CPS1: variants seen among roughly 807,000 people sequenced by gnomAD.
CPS1 encodes carbamoyl-phosphate synthase [ammonia], mitochondrial.
A neutral mutation model predicts 174.6 loss-of-function variants in CPS1; 109 were observed. The observed-to-expected ratio is 0.62, with a 90% CI of 0.53 to 0.73. The LOEUF is 0.73. CPS1 is among the 30% of genes least tolerant of loss of function. CPS1 has a pLI of 0.00. For missense variants in CPS1, 1,689 were observed against 1,821.9 expected (o/e 0.93, Z 1.33); for synonymous variants, 637 against 632.0 (o/e 1.01, Z -0.12).
In CPS1 at chr2:210,639,180, G is replaced by A. The variant is rs756163174; in HGVS notation, c.2860G>A (p.Val954Ile). The A allele has an allele frequency of 6.2e-7, 1 of 1,613,102 alleles. No individual in the cohort carries two copies. The highest frequency in any genetic ancestry group is 1.3e-5 in the African/African-American group (1 of 74,892). ...IDTLAAEYPS[V>I]TNYLYVTYNG... The stretch of plus-strand genomic sequence containing the variant: ...TACACTGGCTGCAGAATACCCATCA[G>A]TAACAAACTATCTCTATGTTACCTA... The change falls in exon 23 of 38, where the codon GTA becomes ATA. Residue 954 changes from valine (V) to isoleucine (I), a missense_variant. Coordinates refer to ENST00000233072, the MANE Select transcript of CPS1 (RefSeq NM_001875.5).
At chr2:210,507,427 C>A (rs566199700) in intron 1 of CPS1, among the ~76,000 whole-genome samples, 1 of 152,264 alleles carries the variant, frequency 6.6e-6, no homozygotes, top group South Asian at 2.1e-4. Flanking sequence ...AAAAACATGC[C>A]AAATTGTAAA....
At chr2:210,620,092 AG>A (rs1699458967) in intron 21 of CPS1, among the ~76,000 whole-genome samples, 1 of 152,186 alleles carries the variant, frequency 6.6e-6, no homozygotes, top group Non-Finnish European at 1.5e-5. Flanking sequence ...ATATAAAAAA[AG>A]AAATATAAAA....
chr2:210,595,512 C>A lies in CPS1; in HGVS notation c.1289C>A (p.Ser430Ter). The A allele has an allele frequency of 6.2e-7, 1 of 1,610,932 alleles. No individual in the cohort carries two copies. Among genetic ancestry groups the A allele is most frequent in the Non-Finnish European group, 8.5e-7 (1 of 1,177,830 alleles). The change falls in exon 13 of 38, where the codon TCA (serine) becomes TAA (stop). Residue 430 changes from serine (S) to a stop codon, truncating the protein, a stop_gained. Coordinates refer to ENST00000233072, the MANE Select transcript of CPS1 (RefSeq NM_001875.5). LOFTEE classifies it high-confidence loss of function. Reference sequence around the variant, plus strand: ...GTTTCCAAAGTCCTTATTCTAGGATCAGGAGGTCTGTCCATTGGTCAGGCT... The same window carrying A: ...GTTTCCAAAGTCCTTATTCTAGGATAAGGAGGTCTGTCCATTGGTCAGGCT... The part of the protein sequence containing the change: ...VEVSKVLILG[S>*]GGLSIGQAGE...
chr2:210,583,441 A>G lies in CPS1; in HGVS notation c.621+732A>G, dbSNP rs555889423. Among the ~76,000 whole-genome samples the G allele has an allele frequency of 7.9e-5, 12 of 152,240 alleles. 1 individual carries two copies. The highest frequency in any genetic ancestry group is 3.3e-4 in the Admixed American group (5 of 15,278). On this transcript the variant is annotated intron_variant, in intron 6 of 37. Transcript: ENST00000233072. Reference sequence around the variant, plus strand: ...ATGCTGTCCTTGGAGTGTTCATAGCATGCTGCAAGGGCATGCATGGGGCAG... The same window carrying G: ...ATGCTGTCCTTGGAGTGTTCATAGCGTGCTGCAAGGGCATGCATGGGGCAG...
intron 1 of CPS1, among the ~76,000 whole-genome samples, chr2:210,565,736 G>A (rs17773661): frequency 1.3e-5 from 2 of 152,028 alleles, no homozygotes; most frequent in African/African-American, 2.4e-5. Flanking sequence ...TGCTAAACTT[G>A]TGCTTGGTTG....
chr2:210,596,075 G>C (rs1698472147), intron 13 of CPS1, among the ~76,000 whole-genome samples: 1 of 151,756 alleles, frequency 6.6e-6, no homozygotes, highest in African/African-American at 2.4e-5. Flanking sequence ...GTCACTGGGG[G>C]ACACAGTTCT....
intron 11 of CPS1, chr2:210,593,314 A>G: frequency 1.8e-6 from 2 of 1,122,726 alleles, no homozygotes; most frequent in South Asian, 2.2e-5. Context: ...TTAATCCCCC[A>G]TCTGTGACTT....
At chr2:210,499,812 G>T (rs1269001296) in intron 1 of CPS1, among the ~76,000 whole-genome samples, 1 of 152,130 alleles carries the variant, frequency 6.6e-6, no homozygotes, top group Non-Finnish European at 1.5e-5. Context: ...CACATTGTCA[G>T]CCAGATGCCA....
chr2:210,564,534 C>T (rs1157634816), intron 1 of CPS1, among the ~76,000 whole-genome samples: 2 of 152,172 alleles, frequency 1.3e-5, no homozygotes, highest in East Asian at 2.0e-4. Flanking sequence ...TGCCACCACG[C>T]CTGGCTAATT....
chr2:210,659,140 C>T (rs1292903510), intron 31 of CPS1, among the ~76,000 whole-genome samples: 1 of 152,132 alleles, frequency 6.6e-6, no homozygotes, highest in East Asian at 1.9e-4. Context: ...TCGGTAACTG[C>T]CTTAGTCTGT....
In CPS1 at chr2:210,590,231, A is replaced by G. The variant is rs1211571555; in HGVS notation, c.837A>G (p.Arg279=). ...ALAEPLIQNV[R]KILESDRKEP... is the part of the protein sequence containing the mutation. ...CAGAACCACTAATTCAGAATGTCAG[A>G]AAGGTGCAATGAACCTTGAATTCAT... The change falls in exon 8 of 38, where the codon AGA becomes AGG. Residue 279 remains arginine, a synonymous_variant. Transcript: ENST00000233072. 1.9e-5 allele frequency: 30 copies of G among 1,612,612 alleles called. No homozygotes were observed. Among genetic ancestry groups the G allele is most frequent in the Non-Finnish European group, 2.5e-5 (29 of 1,179,014 alleles).
chr2:210,637,483 A>G (rs541329075), intron 21 of CPS1, among the ~76,000 whole-genome samples: 2 of 152,284 alleles, frequency 1.3e-5, no homozygotes, highest in Admixed American at 1.3e-4. Context: ...AGAGTGTGAA[A>G]GCAGGAGATC....
Position 210,677,087 on chromosome 2 carries a change from T to C in CPS1, c.4355T>C (p.Ile1452Thr), listed in dbSNP as rs1701559849. ...AAATTTGTCCATGATAATTATGTGA[T>C]TCGGAGGACAGCTGTTGATAGTGGA... Reference protein sequence around the residue: ...NTKFVHDNYVIRRTAVDSGIP... With the variant: ...NTKFVHDNYVTRRTAVDSGIP... The change falls in exon 37 of 38, where the codon ATT (isoleucine) becomes ACT (threonine). Residue 1452 changes from isoleucine (I) to threonine (T), a missense_variant. Transcript: ENST00000233072. 4 of 1,613,888 alleles carry C rather than the reference T, an allele frequency of 2.5e-6. No homozygotes were observed. Among genetic ancestry groups the C allele is most frequent in the Non-Finnish European group, 3.4e-6 (4 of 1,179,802 alleles).
chr2:210,572,268 C>A (rs1697525824), intron 1 of CPS1, among the ~76,000 whole-genome samples: 1 of 151,964 alleles, frequency 6.6e-6, no homozygotes, highest in Non-Finnish European at 1.5e-5. Context: ...TAAAAAATTA[C>A]TTAGTATAAT....
chr2:210,592,415 A>G lies in CPS1; in HGVS notation c.1086+446A>G, dbSNP rs549143875. 6.6e-5 allele frequency among the ~76,000 whole-genome samples: 10 copies of G among 152,086 alleles called. No homozygotes were observed. In the South Asian group the frequency reaches 2.1e-3, roughly 32 times the overall value. ...CTATTTGAGTTATTAATCAACAACT[A>G]TCTCATATATTCAATGTTAGTGGGC... is the stretch of plus-strand genomic sequence containing the variant. On this transcript the variant is annotated intron_variant, in intron 10 of 37. Coordinates refer to ENST00000233072, the MANE Select transcript of CPS1 (RefSeq NM_001875.5).
intron 25 of CPS1, among the ~76,000 whole-genome samples, chr2:210,645,715 G>A (rs563741143): frequency 1.5e-4 from 23 of 152,246 alleles, no homozygotes; most frequent in Non-Finnish European, 2.4e-4. Flanking sequence ...CCTGGGAGGC[G>A]GAGATTGCAG....
At chr2:210,554,134 CATAT>C (rs199593035), upstream of CPS1, among the ~76,000 whole-genome samples, 1 of 129,022 alleles carries the variant, frequency 7.8e-6, no homozygotes, top group Non-Finnish European at 1.7e-5. Flanking sequence ...TATATACATA[CATAT>C]ATATATGTAT....
At chr2:210,628,050 T>C (rs777302532) in intron 21 of CPS1, among the ~76,000 whole-genome samples, 1 of 152,216 alleles carries the variant, frequency 6.6e-6, no homozygotes, top group South Asian at 2.1e-4. Flanking sequence ...TTTGCCTATC[T>C]AAGGTTGAAG....
intron 1 of CPS1, among the ~76,000 whole-genome samples, chr2:210,516,198 G>T (rs568090688): frequency 2.6e-5 from 4 of 151,796 alleles, no homozygotes; most frequent in Non-Finnish European, 5.9e-5. Context: ...AGTATTTTTA[G>T]GTGTCTATTA....
Sources: gnomAD v4.1 joint callset for allele counts (sites outside exome capture counted in the v4.1 genomes callset) on GRCh38, gnomAD v4.1.1 for gene constraint, MANE v1.5 for transcripts, NCBI Gene and HGNC (gene_info 2026-07-23, HGNC 2026-07-21) for gene names.